The following LARP4B variants were observed in gnomAD, a reference collection of about 807,000 sequenced individuals.
LARP4B encodes La ribonucleoprotein 4B.
In LARP4B, 12 loss-of-function variants were observed where a neutral mutation model predicts 89.8. The observed-to-expected ratio is 0.13, with a 90% CI of 0.09 to 0.22. The LOEUF is 0.22. LARP4B is among the 10% of genes least tolerant of loss of function. The pLI is 1.00. For missense variants in LARP4B, 757 were observed against 947.7 expected (o/e 0.80, Z 2.64); for synonymous variants, 367 against 363.3 (o/e 1.01, Z -0.12).
In LARP4B at chr10:812,454, C is replaced by T. The variant is rs7703; in HGVS notation, c.*472G>A. The T allele has an allele frequency of 0.39, 59,805 of 151,836 alleles. 12,961 individuals carry two copies. Among genetic ancestry groups the T allele is most frequent in the South Asian group, 0.5 (2,395 of 4,816 alleles). The allele number at this position is 151,836 out of a possible 1,614,324, so 9.4% of individuals were successfully genotyped here. ...CCTGGCGCGGCCAGCACTGCCTCTA[C>T]GAGGCCACACCTGCCTCTGCCAAGG... On this transcript the variant is annotated 3_prime_UTR_variant, in exon 18 of 18. Transcript: ENST00000316157.
the LARP4B span, among the ~76,000 whole-genome samples, chr10:969,162 C>T: frequency 4.6e-5 from 7 of 152,098 alleles, no homozygotes; most frequent in African/African-American, 7.2e-5. Flanking sequence ...CAGGCAAACA[C>T]GAAAGATCTT....
At chr10:897,221 C>G (rs181439836) in intron 1 of LARP4B, among the ~76,000 whole-genome samples, 130 of 152,228 alleles carry the variant, frequency 8.5e-4, no homozygotes, top group Admixed American at 3.6e-3. Flanking sequence ...AGAAAGAAAC[C>G]GTTACATTTA....
At chr10:920,571 G>A (rs560501849) in intron 1 of LARP4B, among the ~76,000 whole-genome samples, 1 of 151,734 alleles carries the variant, frequency 6.6e-6, no homozygotes, top group South Asian at 2.1e-4. Context: ...GCCAGGAGTT[G>A]CAGACCAGCC....
At chr10:886,217 G>C (rs1244859502) in intron 1 of LARP4B, among the ~76,000 whole-genome samples, 1 of 152,038 alleles carries the variant, frequency 6.6e-6, no homozygotes, top group Non-Finnish European at 1.5e-5. Flanking sequence ...AATACGAAAA[G>C]GTGCTCGGCA....
At position 814,710 on chromosome 10, in the gene LARP4B, G is replaced by C. The variant is rs1169947974; in HGVS notation, c.1929+32C>G. 23 of 1,567,110 alleles carry C rather than the reference G, an allele frequency of 1.5e-5. No homozygotes were observed. The highest frequency in any genetic ancestry group is 1.7e-5 in the Non-Finnish European group (20 of 1,155,442). On this transcript the variant is annotated intron_variant, in intron 17 of 17. Coordinates refer to ENST00000316157, the MANE Select transcript of LARP4B (RefSeq NM_015155.3). The surrounding 1 kb of genome is among the most constrained non-coding windows in gnomAD (Gnocchi z 4.4). The stretch of plus-strand genomic sequence containing the variant: ...CTGTTCACACCAGAGCCTCGCGGCT[G>C]TCGTGCAGGAAGGCAGGCACGAGGT...
At chr10:816,969 G>A (rs768089330) in intron 15 of LARP4B, among the ~76,000 whole-genome samples, 13 of 152,222 alleles carry the variant, frequency 8.5e-5, no homozygotes, top group Non-Finnish European at 1.5e-4. Context: ...GCGTGGAACA[G>A]ACACGTGGTA....
intron 1 of LARP4B, among the ~76,000 whole-genome samples, chr10:919,359 T>C (rs1027009395): frequency 6.6e-6 from 1 of 152,158 alleles, no homozygotes; most frequent in African/African-American, 2.4e-5. Flanking sequence ...AATTCTCTCC[T>C]GCCACGCAAA....
chr10:920,030 G>C (rs747462649), intron 1 of LARP4B, among the ~76,000 whole-genome samples: 11 of 152,194 alleles, frequency 7.2e-5, no homozygotes, highest in Non-Finnish European at 1.5e-4. Context: ...AAAAAGCACA[G>C]TCTAATAACT....
downstream of LARP4B, chr10:807,237 G>C (rs549208449): frequency 2.4e-4 from 37 of 152,394 alleles, no homozygotes; most frequent in African/African-American, 7.5e-4. Flanking sequence ...CGTTAGGACA[G>C]GGGTGAGGAA....
chr10:860,127 T>TGG (rs60607691), intron 5 of LARP4B, among the ~76,000 whole-genome samples: 22 of 96,270 alleles, frequency 2.3e-4, no homozygotes, highest in African/African-American at 3.2e-4. Context: ...TGTGTGGGGG[T>TGG]GGGGGGGAGG....
chr10:977,561 G>A, the LARP4B span, among the ~76,000 whole-genome samples: 6 of 149,402 alleles, frequency 4.0e-5, no homozygotes, highest in South Asian at 2.1e-4. Context: ...AAAAAAAAAA[G>A]AGAGAGAGAG....
upstream of LARP4B, among the ~76,000 whole-genome samples, chr10:933,648 C>T (rs762615499): frequency 6.6e-6 from 1 of 152,252 alleles, no homozygotes; most frequent in South Asian, 2.1e-4. Flanking sequence ...AAAGCATGTA[C>T]ATATTTCAGA....
chr10:867,034 A>C (rs1166911492), intron 3 of LARP4B, among the ~76,000 whole-genome samples: 1 of 152,246 alleles, frequency 6.6e-6, no homozygotes, highest in Admixed American at 6.5e-5. Flanking sequence ...TAAATAACAT[A>C]AATTTATATT....
the LARP4B span, among the ~76,000 whole-genome samples, chr10:979,205 G>C: frequency 4.1e-4 from 62 of 152,056 alleles, no homozygotes; most frequent in Non-Finnish European, 8.4e-4. Flanking sequence ...TGTCCTTCTG[G>C]AGTACTTATT....
At chr10:840,172 A>G (rs1833453925) in intron 7 of LARP4B, among the ~76,000 whole-genome samples, 1 of 152,122 alleles carries the variant, frequency 6.6e-6, no homozygotes. Flanking sequence ...TGATTGTGGT[A>G]GTTTCATGGG....
intron 1 of LARP4B, among the ~76,000 whole-genome samples, chr10:907,306 C>G (rs1293885764): frequency 6.6e-6 from 1 of 152,188 alleles, no homozygotes; most frequent in Non-Finnish European, 1.5e-5. Context: ...AAATATGAAG[C>G]CCAGAAAATG....
chr10:905,599 C>G (rs148889539), intron 1 of LARP4B, among the ~76,000 whole-genome samples: 3 of 152,064 alleles, frequency 2.0e-5, no homozygotes, highest in Non-Finnish European at 4.4e-5. Flanking sequence ...ATGTTCAATC[C>G]TTCCCTGTCA....
chr10:970,442 G>T, the LARP4B span, among the ~76,000 whole-genome samples: 1 of 152,184 alleles, frequency 6.6e-6, no homozygotes, highest in African/African-American at 2.4e-5. Flanking sequence ...CCAAATCTGG[G>T]GTTCTGTCAT....
At chr10:882,065 C>T (rs1835687665) in intron 3 of LARP4B, among the ~76,000 whole-genome samples, 1 of 151,786 alleles carries the variant, frequency 6.6e-6, no homozygotes, top group South Asian at 2.1e-4. Flanking sequence ...CAAGGATGCT[C>T]CCATCCTTAG....
Sources: gnomAD v4.1 joint callset for allele counts (sites outside exome capture counted in the v4.1 genomes callset) on GRCh38, gnomAD v4.1.1 for gene constraint, Gnocchi (gnomAD v3.1) non-coding constraint, MANE v1.5 for transcripts, NCBI Gene and HGNC (gene_info 2026-07-23, HGNC 2026-07-21) for gene names.